HECW2: variants seen among roughly 807,000 people sequenced by gnomAD.
HECW2 encodes HECT, C2 and WW domain containing E3 ubiquitin protein ligase 2, also known as E3 ubiquitin-protein ligase HECW2.
HECW2 carries 61 observed loss-of-function variants against 175.2 expected under a neutral mutation model. The ratio of observed to expected loss-of-function variants is 0.35; its 90% CI spans 0.28 to 0.43. The LOEUF (loss-of-function observed/expected upper bound fraction) is 0.43, where lower values mean the gene tolerates loss of function less well. Among genes scored for constraint, HECW2 ranks in the 20% least tolerant of loss-of-function variants. HECW2 has a pLI of 1.00. For synonymous variants in HECW2, 671 were observed against 731.0 expected (o/e 0.92, Z 1.32); for missense variants, 1,524 against 2,000.5 (o/e 0.76, Z 4.54).
intron 23 of HECW2, among the ~76,000 whole-genome samples, chr2:196,224,764 G>A (rs1687789361): frequency 6.6e-6 from 1 of 152,142 alleles, no homozygotes; most frequent in South Asian, 2.1e-4. Flanking sequence ...AGTCAGTATA[G>A]ACTAGTTTTT....
At chr2:196,418,209 A>C (rs2125240763) in intron 2 of HECW2, among the ~76,000 whole-genome samples, 1 of 152,076 alleles carries the variant, frequency 6.6e-6, no homozygotes, top group East Asian at 1.9e-4. Flanking sequence ...GCTCACTGCA[A>C]GCTCTGCCTC....
At chr2:196,325,611 A>C (rs758652830) in intron 5 of HECW2, among the ~76,000 whole-genome samples, 4 of 152,216 alleles carry the variant, frequency 2.6e-5, no homozygotes, top group Admixed American at 6.5e-5. Context: ...TTCACTGAAA[A>C]ACATGTTCCT....
At chr2:196,572,673 T>C (rs1575685816) in intron 1 of HECW2, among the ~76,000 whole-genome samples, 1 of 152,156 alleles carries the variant, frequency 6.6e-6, no homozygotes, top group Non-Finnish European at 1.5e-5. Flanking sequence ...AATGTGATGG[T>C]ATTTGGAGGT....
chr2:196,543,762 G>A (rs1689307851), intron 1 of HECW2, among the ~76,000 whole-genome samples: 1 of 152,130 alleles, frequency 6.6e-6, no homozygotes, highest in Non-Finnish European at 1.5e-5. Context: ...ACAGGCACGT[G>A]CCACCACGCC....
chr2:196,292,347 C>T (rs965154632), intron 14 of HECW2: 16 of 466,308 alleles, frequency 3.4e-5, no homozygotes, highest in South Asian at 1.6e-4. Flanking sequence ...GCTTTGCCAG[C>T]GTCACAGCCC....
At chr2:196,350,253 T>C (rs182603654) in intron 2 of HECW2, among the ~76,000 whole-genome samples, 2 of 152,128 alleles carry the variant, frequency 1.3e-5, no homozygotes, top group Admixed American at 6.5e-5. Flanking sequence ...TAATCCCAGC[T>C]ATACGGGAGG....
chr2:196,298,168 A>G (rs910796971), intron 13 of HECW2, among the ~76,000 whole-genome samples: 1 of 152,236 alleles, frequency 6.6e-6, no homozygotes, highest in African/African-American at 2.4e-5. Context: ...GTTGAATATA[A>G]TGAAATATAT....
intron 3 of HECW2, among the ~76,000 whole-genome samples, chr2:196,339,697 G>C (rs1692677190): frequency 1.3e-5 from 2 of 152,196 alleles, no homozygotes; most frequent in African/African-American, 4.8e-5. Flanking sequence ...GAATGAAACA[G>C]ACATTCTGGC....
chr2:196,403,618 C>T (rs1457479989), intron 2 of HECW2, among the ~76,000 whole-genome samples: 1 of 152,310 alleles, frequency 6.6e-6, no homozygotes, highest in South Asian at 2.1e-4. Context: ...AGTTTTACAG[C>T]TAACCTAGTC....
chr2:196,530,223 T>A (rs1468849796), intron 1 of HECW2, among the ~76,000 whole-genome samples: 10 of 152,228 alleles, frequency 6.6e-5, no homozygotes, highest in Non-Finnish European at 1.2e-4. Flanking sequence ...TTTCCTGTGC[T>A]AAGCAAGCCT....
intron 4 of HECW2, among the ~76,000 whole-genome samples, chr2:196,332,386 A>G (rs957195206): frequency 2.6e-5 from 4 of 152,210 alleles, no homozygotes; most frequent in African/African-American, 9.6e-5. Context: ...CAGCCTTTCA[A>G]TTTTGGACAT....
rs557486308 is a variant in HECW2, at chr2:196,359,433, C to T, written c.293-15669G>A. 1.1e-3 allele frequency among the ~76,000 whole-genome samples: 173 copies of T among 151,936 alleles called. 1 individual carries two copies. The highest frequency in any genetic ancestry group is 5.0e-3 in the South Asian group (24 of 4,798). On this transcript the variant is annotated intron_variant, in intron 2 of 28. Coordinates refer to ENST00000644978, the MANE Select transcript of HECW2 (RefSeq NM_001348768.2). Reference sequence around the variant, plus strand: ...ACTGCACTCCAGCCTGGCAACAGAGCGAGACTCCATCTTAAAACAAACAAA... The same window carrying T: ...ACTGCACTCCAGCCTGGCAACAGAGTGAGACTCCATCTTAAAACAAACAAA...
intron 3 of HECW2, among the ~76,000 whole-genome samples, chr2:196,337,108 CATACAAG>C (rs930551121): frequency 6.6e-6 from 1 of 152,112 alleles, no homozygotes; most frequent in African/African-American, 2.4e-5. Context: ...TTTAGAACAT[CATACAAG>C]ATTTTTTAAA....
At chr2:196,202,012 T>A (rs902642714) in intron 28 of HECW2, among the ~76,000 whole-genome samples, 3 of 152,228 alleles carry the variant, frequency 2.0e-5, no homozygotes, top group African/African-American at 7.2e-5. Context: ...AATCATTACA[T>A]TAAGTATTCT....
intron 2 of HECW2, among the ~76,000 whole-genome samples, chr2:196,371,212 T>C (rs997705931): frequency 3.9e-5 from 6 of 152,206 alleles, no homozygotes; most frequent in Non-Finnish European, 8.8e-5. Flanking sequence ...AGTCTTAAAA[T>C]CCAATAGTCC....
intron 2 of HECW2, among the ~76,000 whole-genome samples, chr2:196,389,326 G>A (rs949257817): frequency 1.3e-5 from 2 of 152,146 alleles, no homozygotes; most frequent in African/African-American, 4.8e-5. Flanking sequence ...CCTTAGTGCA[G>A]CATTTTCTAA....
At chr2:196,507,141 T>C (rs55782029) in intron 1 of HECW2, among the ~76,000 whole-genome samples, 1,335 of 74,692 alleles carry the variant, frequency 0.018, 8 homozygotes, top group South Asian at 0.052. Context: ...ATTACACACG[T>C]TAGTGTGTAT....
chr2:196,247,108 A>G (rs13426501), intron 19 of HECW2, among the ~76,000 whole-genome samples: 12,335 of 152,062 alleles, frequency 0.081, 794 homozygotes, highest in African/African-American at 0.18. Context: ...TAAAAACACA[A>G]AAATTAGCTG....
intron 14 of HECW2, among the ~76,000 whole-genome samples, chr2:196,279,562 G>A (rs183690124): frequency 4.6e-5 from 7 of 152,180 alleles, no homozygotes; most frequent in Middle Eastern, 3.4e-3. Flanking sequence ...TAACTGGCCC[G>A]TTACTATAAG....
Sources: gnomAD v4.1 joint callset for allele counts (sites outside exome capture counted in the v4.1 genomes callset) on GRCh38, gnomAD v4.1.1 for gene constraint, MANE v1.5 for transcripts, NCBI Gene and HGNC (gene_info 2026-07-23, HGNC 2026-07-21) for gene names.